The following KCTD9 variants were observed in gnomAD, a reference collection of about 807,000 sequenced individuals.
KCTD9 encodes BTB/POZ domain-containing protein KCTD9.
In KCTD9, 17 loss-of-function variants were observed where a neutral mutation model predicts 53.3. The ratio of observed to expected loss-of-function variants is 0.32; its 90% confidence interval spans 0.22 to 0.48. The LOEUF is 0.48. Ranked by LOEUF, KCTD9 falls within the 20% of genes least tolerant of loss-of-function variation. The probability of loss-of-function intolerance (pLI) is 0.99; values close to 1 mark genes in which losing one functional copy is unlikely to be tolerated. For synonymous variants in KCTD9, 128 were observed against 162.7 expected, an observed-to-expected ratio of 0.79 and a Z score of 1.62; for missense variants, 179 against 465.5, an observed-to-expected ratio of 0.38 and a Z score of 5.66.
In KCTD9 at chr8:25,442,956, T is replaced by C. The variant is rs150154361; in HGVS notation, c.214+1336A>G. Among the ~76,000 whole-genome samples the C allele has an allele frequency of 8.8e-3, 1,341 of 152,196 alleles. 9 individuals are homozygous for C. The highest frequency in any genetic ancestry group is 0.016 in the Non-Finnish European group (1,056 of 67,978). ...TCCCTGAAAGTCAGGACTATTGATA[T>C]AGAAAAAGGAGACACAGATGTAAGA... On this transcript the variant is annotated intron_variant, in intron 3 of 11. Coordinates refer to ENST00000221200, the MANE Select transcript of KCTD9 (RefSeq NM_017634.4).
rs1802022053 is a variant in KCTD9, at chr8:25,436,578, C to T, written c.500-93G>A. 14 of 753,840 alleles carry T rather than the reference C, an allele frequency of 1.9e-5. No homozygotes were observed. In the South Asian group the frequency reaches 2.7e-4, roughly 14 times the overall value. 46.7% of individuals were successfully genotyped at this position (753,840 alleles called of 1,614,324 possible). On this transcript the variant is annotated intron_variant, in intron 6 of 11. Coordinates refer to ENST00000221200, the MANE Select transcript of KCTD9 (RefSeq NM_017634.4). ...CTAAAATACGATTAGTTCACATAAT[C>T]TTAACATTTAATTGCCTTTTTAAAT...
intron 6 of KCTD9, among the ~76,000 whole-genome samples, chr8:25,437,519 A>C (rs1802039611): frequency 6.6e-6 from 1 of 151,992 alleles, no homozygotes; most frequent in South Asian, 2.1e-4. Context: ...TCTACTAAAA[A>C]TACAAAAAAT....
At chr8:25,438,651 G>A (rs1370309955) in intron 6 of KCTD9, among the ~76,000 whole-genome samples, 1 of 152,166 alleles carries the variant, frequency 6.6e-6, no homozygotes, top group Non-Finnish European at 1.5e-5. Context: ...TCACTTGGAG[G>A]CCTATTAGCT....
intron 3 of KCTD9, among the ~76,000 whole-genome samples, chr8:25,443,138 T>C (rs1802153585): frequency 6.6e-6 from 1 of 152,168 alleles, no homozygotes; most frequent in East Asian, 1.9e-4. Context: ...TCTCTACCTA[T>C]ATATTTTCAA....
At chr8:25,434,432 G>C (rs575156791) in intron 9 of KCTD9, among the ~76,000 whole-genome samples, 12 of 135,848 alleles carry the variant, frequency 8.8e-5, no homozygotes, top group African/African-American at 3.6e-4. Context: ...AAGCGTTTTT[G>C]ACAAACATCT....
At chr8:25,436,809 C>T (rs1345383243) in intron 6 of KCTD9, among the ~76,000 whole-genome samples, 1 of 152,124 alleles carries the variant, frequency 6.6e-6, no homozygotes. Context: ...AAAAAATGTA[C>T]ATCCTTTACA....
At chr8:25,431,126 T>C (rs1439498518) in intron 11 of KCTD9, among the ~76,000 whole-genome samples, 2 of 152,150 alleles carry the variant, frequency 1.3e-5, no homozygotes, top group Admixed American at 1.3e-4. Flanking sequence ...CCACTGCGCC[T>C]GGCCCCAAAG....
At position 25,439,639 on chromosome 8, in the gene KCTD9, C is replaced by T. The variant is rs1176245799; in HGVS notation, c.337G>A (p.Asp113Asn). The T allele has an allele frequency of 1.9e-6, 3 of 1,614,094 alleles. No individual in the cohort carries two copies. In the South Asian group the frequency reaches 3.3e-5, roughly 18 times the overall value. Reference sequence around the variant, plus strand: ...TTAAACATGTGGGCCAGCATACTGTCAGGTTCTTTATTCACTAAAGTGCTC... The same window carrying T: ...TTAAACATGTGGGCCAGCATACTGTTAGGTTCTTTATTCACTAAAGTGCTC... ...TRSTLVNKEP[D>N]SMLAHMFKDK... The change falls in exon 5 of 12, where the codon GAC becomes AAC. Residue 113 changes from aspartate (D) to asparagine (N), a missense_variant. Coordinates refer to ENST00000221200, the MANE Select transcript of KCTD9 (RefSeq NM_017634.4).
chr8:25,442,913 A>C (rs1211299237), intron 3 of KCTD9, among the ~76,000 whole-genome samples: 1 of 152,164 alleles, frequency 6.6e-6, no homozygotes, highest in Non-Finnish European at 1.5e-5. Flanking sequence ...TGACATTATA[A>C]TTCTATTAGT....
At chr8:25,435,595 T>A in intron 8 of KCTD9, 83 bp from the exon 9 acceptor site, 1 of 1,287,162 alleles carries the variant, frequency 7.8e-7, no homozygotes, top group Admixed American at 2.7e-5. Flanking sequence ...ACCACCAAGT[T>A]TTTTTTAGAA....
At chr8:25,439,197 C>G in intron 6 of KCTD9, 82 bp downstream of exon 6, 7 of 1,084,872 alleles carry the variant, frequency 6.5e-6, no homozygotes, top group Non-Finnish European at 9.2e-6. Flanking sequence ...TATACTGTTA[C>G]TGAGTGAAAC....
At chr8:25,442,767 TAA>T (rs1201632451) in intron 3 of KCTD9, among the ~76,000 whole-genome samples, 8 of 152,198 alleles carry the variant, frequency 5.3e-5, no homozygotes, top group Non-Finnish European at 8.8e-5. Flanking sequence ...TATTTTTAAG[TAA>T]GGGGAGAAGG....
chr8:25,448,639 G>A (rs867067933), intron 1 of KCTD9, among the ~76,000 whole-genome samples: 5 of 152,316 alleles, frequency 3.3e-5, no homozygotes, highest in Middle Eastern at 6.8e-3. Context: ...GTAGGGCTGG[G>A]CGCGGTGGCT....
intron 1 of KCTD9, among the ~76,000 whole-genome samples, chr8:25,449,336 C>T (rs1021472203): frequency 1.3e-5 from 2 of 152,182 alleles, no homozygotes; most frequent in Non-Finnish European, 1.5e-5. Flanking sequence ...CTCAGTATGG[C>T]TTTCTTTTGC....
chr8:25,453,133 C>T (rs750227473), intron 1 of KCTD9, among the ~76,000 whole-genome samples: 8 of 152,124 alleles, frequency 5.3e-5, no homozygotes, highest in African/African-American at 9.7e-5. Context: ...GCGGCTGAGG[C>T]GGGCAGATCA....
rs528128854 is a variant in KCTD9, at chr8:25,450,354, C to T, written c.49-4104G>A. 9.8e-5 allele frequency: 97 copies of T among 985,312 alleles called. 2 individuals carry two copies. In the South Asian group the frequency reaches 3.1e-3, roughly 32 times the overall value. The allele number at this position is 985,312 out of a possible 1,614,324, so 61.0% of individuals were successfully genotyped here. On this transcript the variant is annotated intron_variant, in intron 1 of 11. Transcript: ENST00000221200. ...ATTCCTGAGCTGTTCTACTAATAACCGCCATAGGTTCAAATGGTACATTAC... is the reference window on the plus strand; with the variant it reads ...ATTCCTGAGCTGTTCTACTAATAACTGCCATAGGTTCAAATGGTACATTAC...
intron 1 of KCTD9, among the ~76,000 whole-genome samples, chr8:25,448,707 G>C (rs1802261792): frequency 6.6e-6 from 1 of 152,076 alleles, no homozygotes. Context: ...TTAAGCTCAG[G>C]AGTTCGAGAC....
chr8:25,439,167 ATACTTT>A (rs1484271047), intron 6 of KCTD9, 106 bp downstream of exon 6: 45 of 827,920 alleles, frequency 5.4e-5, no homozygotes, highest in African/African-American at 4.0e-4. Flanking sequence ...GAAAAAATAT[ATACTTT>A]TACTTTATGG....
At chr8:25,450,082 C>G (rs780025420) in intron 1 of KCTD9, among the ~76,000 whole-genome samples, 1 of 152,192 alleles carries the variant, frequency 6.6e-6, no homozygotes. Context: ...TCCTTGTAGG[C>G]TGTAAAACTA....
Sources: allele counts gnomAD v4.1 joint callset (sites outside exome capture counted in the v4.1 genomes callset), GRCh38; gene constraint gnomAD v4.1.1; transcripts MANE v1.5; gene names NCBI Gene and HGNC (gene_info 2026-07-23, HGNC 2026-07-21).